Variants in TYW1 observed in about 807,000 individuals in gnomAD.
TYW1 encodes the protein S-adenosyl-L-methionine-dependent tRNA 4-demethylwyosine synthase TYW1.
In TYW1, 46 loss-of-function variants were observed where a neutral mutation model predicts 96.2. That is an observed-to-expected ratio of 0.48 (90% CI 0.38 to 0.61). The LOEUF is 0.61. Ranked by LOEUF, TYW1 falls within the 20% of genes least tolerant of loss-of-function variation. The pLI is 0.00. For missense variants in TYW1, 684 were observed against 909.6 expected (o/e 0.75, Z 3.19); for synonymous variants, 274 against 323.0 (o/e 0.85, Z 1.63).
intron 15 of TYW1, among the ~76,000 whole-genome samples, chr7:67,203,281 A>G (rs1156401518): frequency 6.6e-6 from 1 of 152,170 alleles, no homozygotes; most frequent in Non-Finnish European, 1.5e-5. Flanking sequence ...TTTGCATGGT[A>G]TATGTTTTTC....
intron 13 of TYW1, among the ~76,000 whole-genome samples, chr7:67,176,552 A>T (rs1563056300): frequency 6.6e-6 from 1 of 152,184 alleles, no homozygotes; most frequent in Non-Finnish European, 1.5e-5. Context: ...GATAATTTTG[A>T]GGATATGTTA....
At chr7:67,163,755 G>A (rs1421766944) in intron 13 of TYW1, among the ~76,000 whole-genome samples, 1 of 149,988 alleles carries the variant, frequency 6.7e-6, no homozygotes, top group Non-Finnish European at 1.5e-5. Context: ...TGCAACCTCC[G>A]CCTCCTGGGT....
Position 67,147,423 on chromosome 7 carries a change from A to AT in TYW1, c.1698+29816dup, listed in dbSNP as rs67475331. Among the ~76,000 whole-genome samples the AT allele has an allele frequency of 1.5e-4, 22 of 149,446 alleles. No individual in the cohort carries two copies. In the East Asian group the frequency reaches 2.2e-3, roughly 15 times the overall value. The stretch of plus-strand genomic sequence containing the variant: ...ACCAAGTAGCTCAAGCATGCTCTGT[A>AT]TTTTTTTTTTTAACTCTTAAGTTCA... On this transcript the variant is annotated intron_variant, in intron 13 of 15. Transcript: ENST00000359626.
At chr7:67,126,557 CT>C (rs1797919707) in intron 13 of TYW1, among the ~76,000 whole-genome samples, 1 of 137,268 alleles carries the variant, frequency 7.3e-6, no homozygotes, top group South Asian at 2.3e-4. Flanking sequence ...GTCATCTAGA[CT>C]TTCTCCTGTG....
rs559882487 is a variant in TYW1, at chr7:67,078,983, C to T, written c.1275-4447C>T. 1.4e-4 allele frequency among the ~76,000 whole-genome samples: 22 copies of T among 152,248 alleles called. No individual in the cohort carries two copies. In the East Asian group the frequency reaches 2.1e-3, roughly 15 times the overall value. On this transcript the variant is annotated intron_variant, in intron 10 of 15. Transcript: ENST00000359626. ...TGCTGGGATTACAGACGTGAGCCACCGCGCCTGGCTGAGGATTTTTATACC... is the reference window on the plus strand; with the variant it reads ...TGCTGGGATTACAGACGTGAGCCACTGCGCCTGGCTGAGGATTTTTATACC...
chr7:67,195,118 T>C lies in TYW1; in HGVS notation c.1810-52T>C, dbSNP rs1003814767. 37 of 1,570,606 alleles carry C rather than the reference T, an allele frequency of 2.4e-5. No individual in the cohort carries two copies. The Admixed American group carries it at 4.0e-4, about 17-fold the overall frequency. The stretch of plus-strand genomic sequence containing the variant: ...TTCCGGCTCTGAAAGTCTTCTTCTA[T>C]GACATGCAGGTAGGTCTGTAGTCAT... On this transcript the variant is annotated intron_variant, in intron 14 of 15. Coordinates refer to ENST00000359626, the MANE Select transcript of TYW1 (RefSeq NM_018264.4).
chr7:66,998,817 G>T lies in TYW1; in HGVS notation c.136G>T (p.Gly46Cys). The part of the protein sequence containing the change: ...ICVQIVIKTQ[G>C]KNLQEKSVPK... ...TTTTGTGTAATTATTTGTCTTCAAGGGCAAGAACTTACAGGAAAAATCTGT... is the reference window on the plus strand; with the variant it reads ...TTTTGTGTAATTATTTGTCTTCAAGTGCAAGAACTTACAGGAAAAATCTGT... Residue 46 changes from glycine (G) to cysteine (C), a missense_variant and splice_region_variant, in exon 3 of 16, where the codon GGC becomes TGC. Physicochemically the swap from Gly to Cys is radical, Grantham distance 159 (BLOSUM62 -3). Transcript: ENST00000359626. The T allele has an allele frequency of 6.2e-6, 10 of 1,613,946 alleles. No homozygotes were observed. The highest frequency in any genetic ancestry group is 8.5e-6 in the Non-Finnish European group (10 of 1,179,972).
chr7:67,108,001 C>T (rs71563162), intron 12 of TYW1, among the ~76,000 whole-genome samples: 26,386 of 151,514 alleles, frequency 0.17, 2,971 homozygotes, highest in Non-Finnish European at 0.24. Flanking sequence ...CTCAGCCTCC[C>T]GAGTATCTGG....
At chr7:67,008,183 A>C (rs1047458110) in intron 3 of TYW1, among the ~76,000 whole-genome samples, 3 of 152,068 alleles carry the variant, frequency 2.0e-5, no homozygotes, top group Non-Finnish European at 4.4e-5. Flanking sequence ...AGGGCCAGCT[A>C]TGGAGGGGTG....
intron 12 of TYW1, among the ~76,000 whole-genome samples, chr7:67,115,155 A>G (rs1215340515): frequency 3.9e-5 from 6 of 151,942 alleles, no homozygotes; most frequent in Admixed American, 2.0e-4. Context: ...AGGTCAGGGC[A>G]GTTCTCATTT....
At chr7:67,198,487 G>T (rs1800478877) in intron 15 of TYW1, among the ~76,000 whole-genome samples, 1 of 151,884 alleles carries the variant, frequency 6.6e-6, no homozygotes, top group Non-Finnish European at 1.5e-5. Context: ...GGAGGTGGAG[G>T]TTGCAGTGAG....
chr7:67,194,117 G>A (rs2116339401), intron 14 of TYW1, among the ~76,000 whole-genome samples: 1 of 152,196 alleles, frequency 6.6e-6, no homozygotes, highest in South Asian at 2.1e-4. Context: ...ATGAAATTCT[G>A]GGGTCTTGTA....
At chr7:67,037,234 G>A (rs193084635) in intron 7 of TYW1, among the ~76,000 whole-genome samples, 2 of 152,066 alleles carry the variant, frequency 1.3e-5, no homozygotes, top group Admixed American at 6.6e-5. Context: ...CTAGCCGGGC[G>A]CAGTGGCTCA....
rs868062773 is a variant in TYW1, at chr7:67,027,224, G to A, written c.984+2202G>A. Among the ~76,000 whole-genome samples, 588 of 151,826 alleles carry A rather than the reference G, an allele frequency of 3.9e-3. 3 individuals carry two copies. Among genetic ancestry groups the A allele is most frequent in the African/African-American group, 0.013 (543 of 41,418 alleles). On this transcript the variant is annotated intron_variant, in intron 7 of 15. Transcript: ENST00000359626. ...CAAAAAAAAAAAAAAGATGTGAAAC[G>A]TCTGTTAGCTTGTATATATGTCAGA...
At chr7:67,231,525 G>A (rs930298063) in intron 15 of TYW1, among the ~76,000 whole-genome samples, 3 of 152,308 alleles carry the variant, frequency 2.0e-5, no homozygotes, top group South Asian at 2.1e-4. Flanking sequence ...ATGTCCAAAC[G>A]TGTTTTCATT....
chr7:67,120,988 T>A (rs2115998192), intron 13 of TYW1, among the ~76,000 whole-genome samples: 1 of 152,376 alleles, frequency 6.6e-6, no homozygotes, highest in Middle Eastern at 3.4e-3. Flanking sequence ...AATGACTTTC[T>A]GAGCATTTTG....
Position 67,136,650 on chromosome 7 carries a change from C to T in TYW1, c.1698+19032C>T, listed in dbSNP as rs981286524. On this transcript the variant is annotated intron_variant, in intron 13 of 15. Coordinates refer to ENST00000359626, the MANE Select transcript of TYW1 (RefSeq NM_018264.4). ...AGTATGTGTGTGTGTTTATACAGTG[C>T]GTGTGTGTGTGTGTGTGTGTGTGTG... Among the ~76,000 whole-genome samples, 456 of 144,066 alleles carry T rather than the reference C, an allele frequency of 3.2e-3. 3 individuals are homozygous for T. The highest frequency in any genetic ancestry group is 0.01 in the African/African-American group (415 of 39,580). 94.5% of individuals were successfully genotyped at this position (144,066 alleles called of 152,430 possible). A position where few individuals can be genotyped will look rare whatever the true frequency, so the allele number is the denominator to read the frequency against.
At chr7:67,141,837 A>G (rs555882315) in intron 13 of TYW1, among the ~76,000 whole-genome samples, 56 of 152,314 alleles carry the variant, frequency 3.7e-4, no homozygotes, top group Non-Finnish European at 6.6e-4. Context: ...AGAGTTTGAG[A>G]CCACCCTGAC....
chr7:67,226,495 G>C (rs1218291355), intron 15 of TYW1, among the ~76,000 whole-genome samples: 1 of 152,122 alleles, frequency 6.6e-6, no homozygotes, highest in African/African-American at 2.4e-5. Context: ...AACTGACTCA[G>C]CTCAAGAGGA....
Sources: gnomAD v4.1 joint callset for allele counts (sites outside exome capture counted in the v4.1 genomes callset) on GRCh38, gnomAD v4.1.1 for gene constraint, MANE v1.5 for transcripts, NCBI Gene and HGNC (gene_info 2026-07-23, HGNC 2026-07-21) for gene names.